Variants in USP24 observed in about 807,000 individuals in gnomAD.
USP24 encodes the protein ubiquitin carboxyl-terminal hydrolase 24.
In USP24, 97 loss-of-function variants were observed where a neutral mutation model predicts 361.6. The observed-to-expected ratio is 0.27, with a 90% CI of 0.23 to 0.32. The LOEUF is 0.32. Among genes scored for constraint, USP24 ranks in the 10% least tolerant of loss-of-function variants. USP24 has a pLI of 1.00. For missense variants in USP24, 2,353 were observed against 3,165.6 expected (o/e 0.74, Z 6.16); for synonymous variants, 1,098 against 1,124.6 (o/e 0.98, Z 0.47).
intron 1 of USP24, among the ~76,000 whole-genome samples, chr1:55,207,691 T>C (rs561634547): frequency 2.8e-4 from 43 of 152,354 alleles, no homozygotes; most frequent in African/African-American, 1.0e-3. Flanking sequence ...ACTAGGGACT[T>C]GAGCATGGTG....
At chr1:55,183,510 T>C (rs1343338414) in intron 1 of USP24, among the ~76,000 whole-genome samples, 2 of 152,092 alleles carry the variant, frequency 1.3e-5, no homozygotes, top group East Asian at 3.8e-4. Flanking sequence ...AAAATAAAAA[T>C]GTATATTGAG....
In USP24 at chr1:55,214,978, G is replaced by A. The variant is rs1557722134; in HGVS notation, c.136C>T (p.Pro46Ser). 1.4e-6 allele frequency: 2 copies of A among 1,443,410 alleles called. No homozygotes were observed. Among genetic ancestry groups the A allele is most frequent in the Non-Finnish European group, 1.8e-6 (2 of 1,095,054 alleles). 89.4% of individuals were successfully genotyped at this position (1,443,410 alleles called of 1,614,324 possible). A position where few individuals can be genotyped will look rare whatever the true frequency, so the allele number is the denominator to read the frequency against. ...TCGTAGCCGCCGTAGTCGAGGCCCG[G>A]CCGCTCGTTGGTGAGCAGTGCCACG... ...EAVALLTNERPGLDYGGYEPM... is the reference protein window; with the variant it reads ...EAVALLTNERSGLDYGGYEPM... Residue 46 changes from proline (P) to serine (S), a missense_variant, in exon 1 of 68, where the codon CCG becomes TCG. By Grantham distance (74) the Pro-to-Ser change is moderately conservative (BLOSUM62 -1). This residue lies in a region of USP24 where 253 missense variants were observed against 255.3 expected (regional missense o/e 0.99). Transcript: ENST00000294383.
chr1:55,188,009 C>T (rs1052894326), intron 1 of USP24, among the ~76,000 whole-genome samples: 4 of 152,072 alleles, frequency 2.6e-5, no homozygotes, highest in African/African-American at 4.8e-5. Flanking sequence ...CTTACTACAG[C>T]GCTATAGTAA....
At chr1:55,197,911 T>A (rs1569757883) in intron 1 of USP24, among the ~76,000 whole-genome samples, 1 of 152,344 alleles carries the variant, frequency 6.6e-6, no homozygotes, top group East Asian at 1.9e-4. Flanking sequence ...TTCTCACTTG[T>A]GAAAAGCAAA....
intron 1 of USP24, among the ~76,000 whole-genome samples, chr1:55,183,948 T>G (rs2100846705): frequency 6.6e-6 from 1 of 152,168 alleles, no homozygotes; most frequent in Admixed American, 6.5e-5. Context: ...ATATATACCC[T>G]AAAAGCAATA....
chr1:55,209,124 GA>G (rs1396093469), intron 1 of USP24, among the ~76,000 whole-genome samples: 3 of 148,834 alleles, frequency 2.0e-5, no homozygotes, highest in Non-Finnish European at 4.5e-5. Flanking sequence ...AAAAAGGGAG[GA>G]AAAAAACATT....
chr1:55,166,137 T>C lies in USP24; in HGVS notation c.862-187A>G, dbSNP rs534593194. Among the ~76,000 whole-genome samples, 475 of 151,924 alleles carry C rather than the reference T, an allele frequency of 3.1e-3. 3 individuals are homozygous for C. The highest frequency in any genetic ancestry group is 0.011 in the African/African-American group (462 of 41,434). ...TCCATCCCCTCAAGCATTTATCCTTTGAGTTACAAACAATCCAATTATATT... is the reference window on the plus strand; with the variant it reads ...TCCATCCCCTCAAGCATTTATCCTTCGAGTTACAAACAATCCAATTATATT... On this transcript the variant is annotated intron_variant, in intron 6 of 67. Coordinates refer to ENST00000294383, the MANE Select transcript of USP24 (RefSeq NM_015306.3).
In USP24 at chr1:55,146,979, T is replaced by C. The variant is rs1222783806; in HGVS notation, c.2200A>G (p.Ile734Val). ...TGGCCAGTTACAAGACACTCCCAGA[T>C]CTCCTTGGCACGATTCCAGCCCAGA... ...LYLGWNRAKE[I>V]WECLVTGQDV... Residue 734 changes from isoleucine (I) to valine (V), a missense_variant, in exon 19 of 68, where the codon ATC (isoleucine) becomes GTC (valine). Ile to Val is a conservative substitution (Grantham distance 29). This residue lies in a region of USP24 where 949 missense variants were observed against 1,280.5 expected (regional missense o/e 0.74). Coordinates refer to ENST00000294383, the MANE Select transcript of USP24 (RefSeq NM_015306.3). 2 of 1,611,182 alleles carry C rather than the reference T, an allele frequency of 1.2e-6. No individual in the cohort carries two copies. Among genetic ancestry groups the C allele is most frequent in the Non-Finnish European group, 8.5e-7 (1 of 1,178,710 alleles).
At chr1:55,189,097 G>T (rs1430928656) in intron 1 of USP24, among the ~76,000 whole-genome samples, 2 of 151,772 alleles carry the variant, frequency 1.3e-5, no homozygotes, top group Non-Finnish European at 2.9e-5. Context: ...AGACAGTTTG[G>T]CAGTTCCTCA....
chr1:55,207,308 A>T (rs1258955555), intron 1 of USP24, among the ~76,000 whole-genome samples: 1 of 151,892 alleles, frequency 6.6e-6, no homozygotes, highest in African/African-American at 2.4e-5. Flanking sequence ...GAAATGCTGA[A>T]CTGTTTATGA....
At chr1:55,148,591 CATTA>C in intron 16 of USP24, 21 bp from the exon 17 acceptor site, 1 of 1,497,314 alleles carries the variant, frequency 6.7e-7, no homozygotes, top group Non-Finnish European at 9.0e-7. Flanking sequence ...AAAGAAGTTA[CATTA>C]ATTAAATTTA....
At chr1:55,211,409 C>T (rs1400392479) in intron 1 of USP24, among the ~76,000 whole-genome samples, 3 of 152,224 alleles carry the variant, frequency 2.0e-5, no homozygotes, top group Non-Finnish European at 4.4e-5. Context: ...AAACACATCT[C>T]TTCTGCAAAA....
Position 55,215,066 on chromosome 1 carries a change from G to A in USP24, c.48C>T (p.Gly16=), listed in dbSNP as rs747957593. ...EQHMTTLLCM[G]FSDPATIRKA... is the part of the protein sequence containing the mutation. Reference sequence around the variant, plus strand: ...TGCGGATGGTGGCGGGGTCTGAGAAGCCCATGCACAGCAGCGTGGTCATGT... The same window carrying A: ...TGCGGATGGTGGCGGGGTCTGAGAAACCCATGCACAGCAGCGTGGTCATGT... The change falls in exon 1 of 68, where the codon GGC becomes GGT. Residue 16 remains glycine, a synonymous_variant. Transcript: ENST00000294383. The A allele has an allele frequency of 9.0e-6, 13 of 1,438,548 alleles. No individual in the cohort carries two copies. In the African/African-American group the frequency reaches 1.9e-4, roughly 21 times the overall value. 89.1% of individuals were successfully genotyped at this position (1,438,548 alleles called of 1,614,324 possible). A position where few individuals can be genotyped will look rare whatever the true frequency, so the allele number is the denominator to read the frequency against.
chr1:55,090,902 CG>C (rs1388592626), intron 54 of USP24, among the ~76,000 whole-genome samples: 1 of 152,130 alleles, frequency 6.6e-6, no homozygotes, highest in Non-Finnish European at 1.5e-5. Flanking sequence ...TTGCTCAACA[CG>C]GCGAAACCCC....
intron 1 of USP24, among the ~76,000 whole-genome samples, chr1:55,197,140 CCA>C (rs1463076703): frequency 6.6e-6 from 1 of 152,170 alleles, no homozygotes; most frequent in East Asian, 1.9e-4. Flanking sequence ...CCTCAGATAA[CCA>C]CAGTTGGCTT....
intron 30 of USP24, among the ~76,000 whole-genome samples, chr1:55,133,646 T>C (rs1646655554): frequency 1.3e-5 from 2 of 151,868 alleles, no homozygotes; most frequent in Non-Finnish European, 2.9e-5. Context: ...CTCTTTTTTT[T>C]TTTTTTTTTG....
chr1:55,069,381 C>A (rs973579269), intron 67 of USP24, among the ~76,000 whole-genome samples: 1 of 152,238 alleles, frequency 6.6e-6, no homozygotes, highest in African/African-American at 2.4e-5. Flanking sequence ...GAACGCAGAG[C>A]AGTGATAAAG....
At chr1:55,079,793 T>TGAGTTCTCTCACAGAGTACTCACACA in intron 59 of USP24, 134 bp from the exon 60 acceptor site, 1 of 1,051,220 alleles carries the variant, frequency 9.5e-7, no homozygotes, top group Non-Finnish European at 1.3e-6. Flanking sequence ...ACTCACACAC[T>TGAGTTCTCTCACAGAGTACTCACACA]GAGTACTCAC....
In USP24 at chr1:55,092,010, T is replaced by C. The variant is rs761948433; in HGVS notation, c.6554+13A>G. 1.9e-6 allele frequency: 3 copies of C among 1,582,196 alleles called. No homozygotes were observed. The highest frequency in any genetic ancestry group is 1.1e-5 in the South Asian group (1 of 87,892). The stretch of plus-strand genomic sequence containing the variant: ...TCTGTCACAACAGATTATCAAAACA[T>C]ATCACTTCTCACCTGAGTTTCTTCT... On this transcript the variant is annotated intron_variant, in intron 54 of 67. Coordinates refer to ENST00000294383, the MANE Select transcript of USP24 (RefSeq NM_015306.3).
Sources: allele counts gnomAD v4.1 joint callset (sites outside exome capture counted in the v4.1 genomes callset), GRCh38; gene constraint gnomAD v4.1.1; regional missense constraint gnomAD v4.1.1; transcripts MANE v1.5; gene names NCBI Gene and HGNC (gene_info 2026-07-23, HGNC 2026-07-21).